The following HIVEP3 variants were observed in gnomAD, a reference collection of about 807,000 sequenced individuals.
The protein encoded by HIVEP3 is HIVEP zinc finger 3.
In HIVEP3, 49 loss-of-function variants were observed where a neutral mutation model predicts 152.8. The observed-to-expected ratio is 0.32, with a 90% CI of 0.26 to 0.41. The LOEUF is 0.41. HIVEP3 is among the 10% of genes least tolerant of loss of function. The pLI is 1.00. For missense variants in HIVEP3, 2,790 were observed against 3,103.3 expected, an observed-to-expected ratio of 0.90 and a Z score of 2.40; for synonymous variants, 1,269 against 1,289.0, an observed-to-expected ratio of 0.98 and a Z score of 0.33.
At chr1:41,729,248 C>A (rs1041699901) in intron 1 of HIVEP3, among the ~76,000 whole-genome samples, 1 of 152,228 alleles carries the variant, frequency 6.6e-6, no homozygotes, top group Non-Finnish European at 1.5e-5. Flanking sequence ...CTTTCCCTGC[C>A]TTTCCCTCTA....
At chr1:41,724,298 T>G (rs566637993) in intron 1 of HIVEP3, among the ~76,000 whole-genome samples, 1 of 152,194 alleles carries the variant, frequency 6.6e-6, no homozygotes, top group South Asian at 2.1e-4. Flanking sequence ...CAGAATACTG[T>G]CCCTGGGATC....
chr1:41,788,834 C>T (rs1649520536), intron 1 of HIVEP3, among the ~76,000 whole-genome samples: 1 of 152,258 alleles, frequency 6.6e-6, no homozygotes, highest in Admixed American at 6.5e-5. Context: ...CCAAGACCTT[C>T]TCAACTCATT....
chr1:41,565,335 C>T (rs1644143646), intron 5 of HIVEP3, among the ~76,000 whole-genome samples: 2 of 142,560 alleles, frequency 1.4e-5, no homozygotes, highest in African/African-American at 5.2e-5. Context: ...AGAGATATGG[C>T]AAACCAAGAC....
intron 1 of HIVEP3, among the ~76,000 whole-genome samples, chr1:41,747,839 T>G (rs1299170821): frequency 6.6e-6 from 1 of 152,198 alleles, no homozygotes; most frequent in Non-Finnish European, 1.5e-5. Context: ...TAAAATAGTG[T>G]CTTTCTGGGG....
chr1:41,689,169 T>C (rs1212301711), intron 2 of HIVEP3, among the ~76,000 whole-genome samples: 1 of 152,214 alleles, frequency 6.6e-6, no homozygotes, highest in Non-Finnish European at 1.5e-5. Flanking sequence ...GATGTTTCCG[T>C]AGGTATTTGC....
At chr1:41,859,161 C>G (rs1643850808) in intron 1 of HIVEP3, among the ~76,000 whole-genome samples, 1 of 152,060 alleles carries the variant, frequency 6.6e-6, no homozygotes, top group South Asian at 2.1e-4. Flanking sequence ...AAATGACTGC[C>G]CCTAGGGTCT....
At chr1:42,033,323 CTT>C (rs796173254) in intron 1 of HIVEP3, among the ~76,000 whole-genome samples, 8 of 151,506 alleles carry the variant, frequency 5.3e-5, no homozygotes, top group African/African-American at 1.9e-4. Flanking sequence ...TTTTAATTGT[CTT>C]TTTTTTTAAT....
chr1:41,511,302 T>G lies in HIVEP3; in HGVS notation c.6406-36A>C, dbSNP rs1225248871. 5.3e-6 allele frequency: 8 copies of G among 1,520,820 alleles called. No individual in the cohort carries two copies. Among genetic ancestry groups the G allele is most frequent in the Non-Finnish European group, 5.3e-6 (6 of 1,126,972 alleles). 94.2% of individuals were successfully genotyped at this position (1,520,820 alleles called of 1,614,324 possible). A position where few individuals can be genotyped will look rare whatever the true frequency, so the allele number is the denominator to read the frequency against. On this transcript the variant is annotated intron_variant, in intron 8 of 8. Coordinates refer to ENST00000372583, the MANE Select transcript of HIVEP3 (RefSeq NM_024503.5). The surrounding 1 kb of genome is among the most constrained non-coding windows in gnomAD (Gnocchi z 4.9). Reference sequence around the variant, plus strand: ...AAAACAAGACAAGGTAAGGTGAAGGTTACATGCTGGGCACATGGGGAGCCG... The same window carrying G: ...AAAACAAGACAAGGTAAGGTGAAGGGTACATGCTGGGCACATGGGGAGCCG...
At chr1:41,971,749 C>A (rs1645230780) in intron 1 of HIVEP3, among the ~76,000 whole-genome samples, 1 of 152,198 alleles carries the variant, frequency 6.6e-6, no homozygotes, top group African/African-American at 2.4e-5. Flanking sequence ...AATGTTGTGT[C>A]TCCTCCAAAA....
intron 1 of HIVEP3, among the ~76,000 whole-genome samples, chr1:41,750,228 A>G (rs565251803): frequency 1.3e-5 from 2 of 152,326 alleles, no homozygotes; most frequent in African/African-American, 4.8e-5. Flanking sequence ...TAATAAACCT[A>G]CAACACCTCG....
chr1:41,873,369 C>A lies in HIVEP3; in HGVS notation c.-801+45044G>T, dbSNP rs1042159561. ...ACTCAGCTGGCCCAGGCACCGATAA[C>A]CTAGCATGTCCTTTTAGAATTTGGG... On this transcript the variant is annotated intron_variant, in intron 1 of 8. Coordinates refer to ENST00000372583, the MANE Select transcript of HIVEP3 (RefSeq NM_024503.5). The surrounding 1 kb of genome is among the most constrained non-coding windows in gnomAD (Gnocchi z 4.2). Among the ~76,000 whole-genome samples, 4 of 152,112 alleles carry A rather than the reference C, an allele frequency of 2.6e-5. No homozygotes were observed. The highest frequency in any genetic ancestry group is 1.3e-4 in the Admixed American group (2 of 15,284).
chr1:41,511,091 A>T lies in HIVEP3; in HGVS notation c.6581T>A (p.Leu2194Ter). 6.2e-7 allele frequency: 1 copy of T among 1,614,156 alleles called. No individual in the cohort carries two copies. Among genetic ancestry groups the T allele is most frequent in the Non-Finnish European group, 8.5e-7 (1 of 1,180,012 alleles). The stretch of plus-strand genomic sequence containing the variant: ...CATCTGGATCCCACCGATGGGAATC[A>T]AGGGACATGGGGCACGGGTCAAGTG... The part of the protein sequence containing the change: ...SQHLTRAPCP[L>*]IPIGGIQMVQ... The change falls in exon 9 of 9, where the codon TTG becomes TAG. Residue 2194 changes from leucine to a stop codon, truncating the protein, a stop_gained. Coordinates refer to ENST00000372583, the MANE Select transcript of HIVEP3 (RefSeq NM_024503.5). LOFTEE classifies it high-confidence loss of function. The surrounding 1 kb of genome is among the most constrained non-coding windows in gnomAD (Gnocchi z 4.9).
At chr1:41,747,639 C>G (rs1188268754) in intron 1 of HIVEP3, among the ~76,000 whole-genome samples, 1 of 152,228 alleles carries the variant, frequency 6.6e-6, no homozygotes, top group Non-Finnish European at 1.5e-5. Flanking sequence ...TTACATCTAT[C>G]AGCTATACTA....
At chr1:41,970,007 G>A (rs1381714190) in intron 1 of HIVEP3, among the ~76,000 whole-genome samples, 1 of 152,184 alleles carries the variant, frequency 6.6e-6, no homozygotes, top group Non-Finnish European at 1.5e-5. Context: ...TTTCACATGA[G>A]TTAGAATGGT....
chr1:41,775,920 G>T (rs543286513), intron 1 of HIVEP3, among the ~76,000 whole-genome samples: 34 of 152,306 alleles, frequency 2.2e-4, no homozygotes, highest in African/African-American at 7.9e-4. Context: ...CAACAGCCCA[G>T]CATTCTGCCT....
chr1:41,627,808 T>C (rs1279560476), intron 3 of HIVEP3, among the ~76,000 whole-genome samples: 2 of 152,066 alleles, frequency 1.3e-5, no homozygotes, highest in Non-Finnish European at 2.9e-5. Flanking sequence ...CAATGTAGAT[T>C]CCTGGGTCCC....
chr1:41,743,111 G>T (rs1330783725), intron 1 of HIVEP3, among the ~76,000 whole-genome samples: 2 of 151,518 alleles, frequency 1.3e-5, no homozygotes, highest in East Asian at 1.9e-4. Flanking sequence ...CAAAGGCTGC[G>T]GTGGGGTATG....
chr1:41,880,694 A>G (rs555808975), intron 1 of HIVEP3, among the ~76,000 whole-genome samples: 4 of 152,294 alleles, frequency 2.6e-5, no homozygotes, highest in Non-Finnish European at 5.9e-5. Flanking sequence ...AGGTCTCCAG[A>G]CATGAGGCAG....
At chr1:41,703,131 G>C (rs1487113756) in intron 1 of HIVEP3, among the ~76,000 whole-genome samples, 2 of 152,206 alleles carry the variant, frequency 1.3e-5, no homozygotes, top group Admixed American at 1.3e-4. Context: ...AAGGCCCAGA[G>C]AGGTGACAAG....
Sources: allele counts gnomAD v4.1 joint callset (sites outside exome capture counted in the v4.1 genomes callset), GRCh38; gene constraint gnomAD v4.1.1; non-coding constraint Gnocchi (gnomAD v3.1); transcripts MANE v1.5; gene names NCBI Gene and HGNC (gene_info 2026-07-23, HGNC 2026-07-21).